Variants in RALGPS2 observed in about 807,000 individuals in gnomAD.
The protein encoded by RALGPS2 is Ral GEF with PH domain and SH3 binding motif 2, also known as ras-specific guanine nucleotide-releasing factor RalGPS2.
RALGPS2 carries 43 observed loss-of-function variants against 86.8 expected under a neutral mutation model. The observed-to-expected ratio is 0.50, with a 90% confidence interval of 0.39 to 0.64. The LOEUF (loss-of-function observed/expected upper bound fraction) is 0.64. Ranked by LOEUF, RALGPS2 falls within the 30% of genes least tolerant of loss-of-function variation. The pLI is 0.00. For synonymous variants in RALGPS2, 243 were observed against 231.3 expected (o/e 1.05, Z -0.46); for missense variants, 536 against 694.6 (o/e 0.77, Z 2.57).
chr1:178,759,726 A>G (rs1652140636), intron 1 of RALGPS2, among the ~76,000 whole-genome samples: 2 of 151,856 alleles, frequency 1.3e-5, no homozygotes, highest in South Asian at 2.1e-4. Flanking sequence ...TTAATATGCA[A>G]TATCCATTTT....
At chr1:178,852,019 C>T (rs2102293211) in intron 8 of RALGPS2, among the ~76,000 whole-genome samples, 1 of 152,220 alleles carries the variant, frequency 6.6e-6, no homozygotes, top group Non-Finnish European at 1.5e-5. Flanking sequence ...ATATTAATTT[C>T]CCCTTTGAAT....
At chr1:178,859,684 T>C (rs959366296) in intron 8 of RALGPS2, among the ~76,000 whole-genome samples, 2 of 144,170 alleles carry the variant, frequency 1.4e-5, no homozygotes, top group African/African-American at 5.1e-5. Flanking sequence ...TGCCACATCA[T>C]ACACGAAGCA....
At chr1:178,770,840 T>TG (rs1260426065) in intron 1 of RALGPS2, among the ~76,000 whole-genome samples, 1 of 145,870 alleles carries the variant, frequency 6.9e-6, no homozygotes. Context: ...TTGTTGTTGT[T>TG]TTTTTTTTTT....
At chr1:178,795,187 A>C (rs185592053) in intron 4 of RALGPS2, among the ~76,000 whole-genome samples, 178 of 152,084 alleles carry the variant, frequency 1.2e-3, no homozygotes, top group African/African-American at 3.9e-3. Flanking sequence ...CTCAAAAAAA[A>C]AAAAGCAAAG....
chr1:178,871,872 C>T (rs1367302776), intron 8 of RALGPS2, among the ~76,000 whole-genome samples: 1 of 152,356 alleles, frequency 6.6e-6, no homozygotes, highest in African/African-American at 2.4e-5. Flanking sequence ...TTACCTGCCT[C>T]TGGCAAGGTT....
At chr1:178,727,936 A>G (rs1650122942) in intron 1 of RALGPS2, among the ~76,000 whole-genome samples, 1 of 152,182 alleles carries the variant, frequency 6.6e-6, no homozygotes, top group Admixed American at 6.5e-5. Context: ...CTTTTTGGTT[A>G]AGGATATTGT....
chr1:178,765,173 T>TA (rs1652436089), intron 1 of RALGPS2, among the ~76,000 whole-genome samples: 1 of 151,694 alleles, frequency 6.6e-6, no homozygotes, highest in African/African-American at 2.4e-5. Flanking sequence ...TTTTTTTTTT[T>TA]ATACAGAGTC....
At chr1:178,853,030 A>G (rs1245732331) in intron 8 of RALGPS2, 3 of 1,507,116 alleles carry the variant, frequency 2.0e-6, no homozygotes, top group South Asian at 1.4e-5. Context: ...AGTGTTAAAC[A>G]TTCGATAGCA....
intron 13 of RALGPS2, 41 bp downstream of exon 13, chr1:178,886,161 A>G: frequency 6.3e-7 from 1 of 1,579,334 alleles, no homozygotes; most frequent in East Asian, 2.3e-5. Context: ...TTTAACTTTA[A>G]ATAAAAATGT....
chr1:178,794,122 C>T (rs955132360), intron 4 of RALGPS2, among the ~76,000 whole-genome samples: 4 of 151,872 alleles, frequency 2.6e-5, no homozygotes, highest in Non-Finnish European at 4.4e-5. Flanking sequence ...CCTTCTTTCC[C>T]TTTTCTTTTT....
intron 8 of RALGPS2, among the ~76,000 whole-genome samples, chr1:178,862,179 TTAA>T (rs1195050631): frequency 6.6e-6 from 1 of 152,042 alleles, no homozygotes; most frequent in Non-Finnish European, 1.5e-5. Context: ...GGCGAGGATA[TTAA>T]TAATGATAAT....
chr1:178,759,478 ACT>A (rs1389030874), intron 1 of RALGPS2, among the ~76,000 whole-genome samples: 1 of 144,184 alleles, frequency 6.9e-6, no homozygotes, highest in African/African-American at 2.5e-5. Flanking sequence ...GGTTACTGTA[ACT>A]CTATAGTATA....
intron 1 of RALGPS2, among the ~76,000 whole-genome samples, chr1:178,775,614 T>C (rs1314989556): frequency 6.6e-6 from 1 of 152,162 alleles, no homozygotes; most frequent in Non-Finnish European, 1.5e-5. Flanking sequence ...TGACTTCCAG[T>C]AAAGTGGAAA....
At chr1:178,750,742 C>T (rs1453833582) in intron 1 of RALGPS2, among the ~76,000 whole-genome samples, 1 of 152,144 alleles carries the variant, frequency 6.6e-6, no homozygotes. Context: ...ATTTAAGGTT[C>T]TCAAATTCGT....
At chr1:178,803,799 A>G (rs1654598733) in intron 4 of RALGPS2, among the ~76,000 whole-genome samples, 3 of 152,208 alleles carry the variant, frequency 2.0e-5, no homozygotes, top group Admixed American at 2.0e-4. Context: ...TCTACTGTGT[A>G]GAAATAATTG....
chr1:178,774,732 A>G (rs965591596), intron 1 of RALGPS2, among the ~76,000 whole-genome samples: 5 of 152,224 alleles, frequency 3.3e-5, no homozygotes, highest in Non-Finnish European at 7.3e-5. Flanking sequence ...TAGGTGCGTT[A>G]AATGGTTTTA....
chr1:178,789,988 C>G (rs1653871213), intron 4 of RALGPS2, among the ~76,000 whole-genome samples: 1 of 152,000 alleles, frequency 6.6e-6, no homozygotes, highest in South Asian at 2.1e-4. Flanking sequence ...TGGCTCTGTT[C>G]CCCAGGTTGT....
rs567577603 is a variant in RALGPS2 at position 178,839,114 on chromosome 1, C to A, written c.607+5564C>A. On this transcript the variant is annotated intron_variant, in intron 8 of 19. Transcript: ENST00000367635. ...CAGGATATTATCCAGGAGAACTTCA[C>A]CAACCTAGCAAGGCAGGCCAACATT... is the stretch of plus-strand genomic sequence containing the variant. 1.3e-3 allele frequency among the ~76,000 whole-genome samples: 192 copies of A among 152,270 alleles called. 2 individuals are homozygous for A. The highest frequency in any genetic ancestry group is 4.2e-3 in the African/African-American group (176 of 41,556).
At chr1:178,801,475 G>A (rs1052911960) in intron 4 of RALGPS2, among the ~76,000 whole-genome samples, 1 of 151,898 alleles carries the variant, frequency 6.6e-6, no homozygotes, top group Admixed American at 6.6e-5. Context: ...ATAATTTATC[G>A]TGATAAATAA....
Sources: allele counts gnomAD v4.1 joint callset (sites outside exome capture counted in the v4.1 genomes callset), GRCh38; gene constraint gnomAD v4.1.1; transcripts MANE v1.5; gene names NCBI Gene and HGNC (gene_info 2026-07-23, HGNC 2026-07-21).